TTC28: variants seen among roughly 807,000 people sequenced by gnomAD.
TTC28 encodes tetratricopeptide repeat domain 28, also known as tetratricopeptide repeat protein 28.
Under a neutral mutation model 198.0 loss-of-function variants are expected in TTC28, and 61 were observed. The ratio of observed to expected loss-of-function variants is 0.31; its 90% CI spans 0.25 to 0.38. The LOEUF is 0.38. Among genes scored for constraint, TTC28 ranks in the 10% least tolerant of loss-of-function variants. The pLI is 1.00. For missense variants in TTC28, 2,678 were observed against 3,164.0 expected (o/e 0.85, Z 3.69); for synonymous variants, 1,171 against 1,297.8 (o/e 0.90, Z 2.10).
intron 5 of TTC28, among the ~76,000 whole-genome samples, chr22:28,263,094 GCTT>G (rs1377977149): frequency 6.6e-6 from 1 of 152,110 alleles, no homozygotes; most frequent in East Asian, 1.9e-4. Flanking sequence ...CCTAAAATTG[GCTT>G]TCATGGTGAA....
chr22:28,467,473 T>C (rs1055967676), intron 2 of TTC28, among the ~76,000 whole-genome samples: 2 of 152,210 alleles, frequency 1.3e-5, no homozygotes, highest in African/African-American at 4.8e-5. Context: ...TCTATATTTA[T>C]TGATTTGTTG....
intron 2 of TTC28, among the ~76,000 whole-genome samples, chr22:28,584,018 T>G (rs1399795169): frequency 7.1e-6 from 1 of 140,164 alleles, no homozygotes; most frequent in Non-Finnish European, 1.5e-5. Flanking sequence ...TTTGTTTTGT[T>G]TTTTTTTTTT....
At chr22:28,217,333 C>A (rs1188894534) in intron 5 of TTC28, among the ~76,000 whole-genome samples, 1 of 152,072 alleles carries the variant, frequency 6.6e-6, no homozygotes, top group Non-Finnish European at 1.5e-5. Flanking sequence ...CTATAACTGA[C>A]CTAACAATAA....
intron 2 of TTC28, among the ~76,000 whole-genome samples, chr22:28,545,367 C>G (rs564544368): frequency 1.3e-5 from 2 of 151,978 alleles, no homozygotes; most frequent in East Asian, 3.9e-4. Context: ...GTCAGGAGTT[C>G]AAGACTAGCC....
intron 2 of TTC28, among the ~76,000 whole-genome samples, chr22:28,535,657 G>C (rs1251117818): frequency 6.6e-6 from 1 of 152,066 alleles, no homozygotes; most frequent in Non-Finnish European, 1.5e-5. Context: ...GGAGGGGCCT[G>C]GTGGGAGGTG....
In TTC28 at chr22:27,981,964, ACATTTGGTG is replaced by A; in HGVS notation, c.*248_*256del. On this transcript the variant is annotated 3_prime_UTR_variant, in exon 23 of 23. Transcript: ENST00000397906. ...AAGCAGGGAGTTCAAAGGTAAACAA[ACATTTGGTG>A]AAGTGTGTAGGAAATTCCATGAGCC... 2.5e-6 allele frequency: 1 copy of A among 402,450 alleles called. No homozygotes were observed. Among genetic ancestry groups the A allele is most frequent in the South Asian group, 1.0e-4 (1 of 9,750 alleles). The allele number at this position is 402,450 out of a possible 1,614,324, so 24.9% of individuals were successfully genotyped here.
intron 2 of TTC28, among the ~76,000 whole-genome samples, chr22:28,516,457 G>A (rs934598275): frequency 6.6e-6 from 1 of 152,064 alleles, no homozygotes. Flanking sequence ...CATGTCCTTT[G>A]CAGGGACATG....
intron 2 of TTC28, among the ~76,000 whole-genome samples, chr22:28,520,757 A>G (rs1283074454): frequency 2.6e-5 from 4 of 151,782 alleles, no homozygotes; most frequent in African/African-American, 9.7e-5. Flanking sequence ...GACCCTATCT[A>G]AAAAACAAAA....
At chr22:28,069,510 A>G (rs912027714) in intron 12 of TTC28, among the ~76,000 whole-genome samples, 3 of 152,228 alleles carry the variant, frequency 2.0e-5, no homozygotes, top group African/African-American at 7.2e-5. Context: ...TTGGCATCAC[A>G]GAGCACTCAG....
At chr22:28,669,303 A>T (rs75109143) in intron 1 of TTC28, among the ~76,000 whole-genome samples, 3 of 98,756 alleles carry the variant, frequency 3.0e-5, no homozygotes, top group Non-Finnish European at 4.4e-5. Context: ...AGAGTATAAT[A>T]AAAAAAAAAA....
chr22:28,637,131 C>T (rs1400258019), intron 1 of TTC28, among the ~76,000 whole-genome samples: 1 of 151,780 alleles, frequency 6.6e-6, no homozygotes, highest in Admixed American at 6.6e-5. Flanking sequence ...GCCTCAGCCT[C>T]CCAAGTAGCT....
chr22:28,058,981 C>T (rs1360978612), intron 12 of TTC28, among the ~76,000 whole-genome samples: 2 of 151,908 alleles, frequency 1.3e-5, no homozygotes, highest in Admixed American at 6.6e-5. Context: ...ATTCATGTTC[C>T]ATCTCTTTCC....
intron 2 of TTC28, among the ~76,000 whole-genome samples, chr22:28,343,205 A>G (rs2045859333): frequency 6.6e-6 from 1 of 152,214 alleles, no homozygotes; most frequent in Non-Finnish European, 1.5e-5. Flanking sequence ...ACAGAAAAAA[A>G]TAGACGAGAA....
intron 5 of TTC28, among the ~76,000 whole-genome samples, chr22:28,262,555 A>C (rs1237255537): frequency 3.3e-5 from 5 of 152,150 alleles, no homozygotes; most frequent in African/African-American, 4.8e-5. Context: ...ACTGAAGCTT[A>C]ATATAAACTA....
At chr22:28,392,291 T>C (rs2046737770) in intron 2 of TTC28, among the ~76,000 whole-genome samples, 2 of 152,156 alleles carry the variant, frequency 1.3e-5, no homozygotes, top group African/African-American at 4.8e-5. Flanking sequence ...ACTGCTGTCT[T>C]TTTGTTTGTC....
At chr22:28,607,779 A>G (rs2146138951) in intron 2 of TTC28, among the ~76,000 whole-genome samples, 1 of 152,214 alleles carries the variant, frequency 6.6e-6, no homozygotes, top group Non-Finnish European at 1.5e-5. Flanking sequence ...TCTGCCTTTC[A>G]CTCATCAAGT....
chr22:28,082,676 A>G (rs564198390), intron 12 of TTC28, among the ~76,000 whole-genome samples: 2 of 152,196 alleles, frequency 1.3e-5, no homozygotes, highest in East Asian at 3.9e-4. Context: ...TTTTGCATCA[A>G]TTTTCATGAT....
intron 2 of TTC28, among the ~76,000 whole-genome samples, chr22:28,451,449 A>G (rs936208455): frequency 3.3e-5 from 5 of 152,228 alleles, no homozygotes; most frequent in African/African-American, 1.2e-4. Flanking sequence ...TGCTTATGAA[A>G]GAACACAGGT....
intron 6 of TTC28, among the ~76,000 whole-genome samples, chr22:28,113,212 T>C (rs1394077849): frequency 6.6e-6 from 1 of 152,226 alleles, no homozygotes; most frequent in East Asian, 1.9e-4. Context: ...GGTAGGGGCC[T>C]CGGTGCACCG....
Sources: gnomAD v4.1 joint callset for allele counts (sites outside exome capture counted in the v4.1 genomes callset) on GRCh38, gnomAD v4.1.1 for gene constraint, MANE v1.5 for transcripts, NCBI Gene and HGNC (gene_info 2026-07-23, HGNC 2026-07-21) for gene names.